The following FRMD3 variants were observed in gnomAD, a reference collection of about 807,000 sequenced individuals.
FRMD3 encodes the protein FERM domain-containing protein 3.
Under a neutral mutation model 70.2 loss-of-function variants are expected in FRMD3, and 33 were observed. That is an observed-to-expected ratio of 0.47 (90% CI 0.36 to 0.63). The LOEUF (loss-of-function observed/expected upper bound fraction) is 0.63. Ranked by LOEUF, FRMD3 falls within the 20% of genes least tolerant of loss-of-function variation. The pLI, the probability that FRMD3 is intolerant of heterozygous loss-of-function variation, is 0.00. For missense variants in FRMD3, 632 were observed against 711.4 expected, an observed-to-expected ratio of 0.89 and a Z score of 1.27; for synonymous variants, 279 against 255.9, an observed-to-expected ratio of 1.09 and a Z score of -0.86.
At chr9:83,497,635 G>C (rs1275225228) in intron 1 of FRMD3, among the ~76,000 whole-genome samples, 1 of 152,202 alleles carries the variant, frequency 6.6e-6, no homozygotes, top group Admixed American at 6.5e-5. Context: ...TGGGGTGTGA[G>C]CAGAAGGGAC....
intron 1 of FRMD3, among the ~76,000 whole-genome samples, chr9:83,450,404 T>G (rs1014115398): frequency 2.0e-5 from 3 of 147,780 alleles, no homozygotes; most frequent in African/African-American, 7.4e-5. Flanking sequence ...CATGTGCACA[T>G]TGTGCAGGTT....
At chr9:83,520,720 C>T (rs1484008374) in intron 1 of FRMD3, among the ~76,000 whole-genome samples, 1 of 152,112 alleles carries the variant, frequency 6.6e-6, no homozygotes, top group African/African-American at 2.4e-5. Context: ...CATAAGGAGG[C>T]TTTTCAATAC....
At chr9:83,398,955 C>T (rs12340422) in intron 1 of FRMD3, among the ~76,000 whole-genome samples, 17,386 of 152,110 alleles carry the variant, frequency 0.11, 1,244 homozygotes, top group African/African-American at 0.19. Context: ...ACACAAACAG[C>T]CACCTTACCC....
chr9:83,431,386 C>T (rs1284349109), intron 1 of FRMD3, among the ~76,000 whole-genome samples: 6 of 152,180 alleles, frequency 3.9e-5, no homozygotes, highest in Non-Finnish European at 8.8e-5. Context: ...TTGTTATGCC[C>T]TCCAAAATCA....
chr9:83,468,217 T>C (rs1393861791), intron 1 of FRMD3, among the ~76,000 whole-genome samples: 2 of 152,344 alleles, frequency 1.3e-5, no homozygotes, highest in East Asian at 1.9e-4. Flanking sequence ...AATTGAAAGA[T>C]AGATTCAAGG....
At chr9:83,398,470 G>A (rs1345863049) in intron 1 of FRMD3, among the ~76,000 whole-genome samples, 1 of 152,132 alleles carries the variant, frequency 6.6e-6, no homozygotes, top group East Asian at 1.9e-4. Context: ...GAAATTAAAA[G>A]TTTCTTTGAT....
At chr9:83,311,225 C>T (rs1041106643) in intron 8 of FRMD3, among the ~76,000 whole-genome samples, 7 of 151,538 alleles carry the variant, frequency 4.6e-5, no homozygotes, top group South Asian at 2.1e-4. Flanking sequence ...AGGCCAGTCC[C>T]GCACATGCCC....
At chr9:83,378,760 T>C (rs539699813) in intron 2 of FRMD3, among the ~76,000 whole-genome samples, 117 of 116,452 alleles carry the variant, frequency 1.0e-3, no homozygotes, top group African/African-American at 4.0e-3. Context: ...TAATATATAA[T>C]TTATATTATA....
chr9:83,287,093 C>T (rs910143457), intron 13 of FRMD3, among the ~76,000 whole-genome samples: 1 of 152,170 alleles, frequency 6.6e-6, no homozygotes, highest in Non-Finnish European at 1.5e-5. Context: ...TGCACTGCCT[C>T]CTCTCTAGTT....
chr9:83,581,653 G>A, the FRMD3 span, among the ~76,000 whole-genome samples: 2 of 152,102 alleles, frequency 1.3e-5, no homozygotes, highest in African/African-American at 4.8e-5. Flanking sequence ...ACAAAAATTT[G>A]TATACAAATG....
At chr9:83,544,771 C>A in the FRMD3 span, among the ~76,000 whole-genome samples, 2 of 152,160 alleles carry the variant, frequency 1.3e-5, no homozygotes, top group Non-Finnish European at 2.9e-5. Context: ...CTAACGTTAT[C>A]TATAACCAAG....
chr9:83,424,070 G>A (rs888481918), intron 1 of FRMD3, among the ~76,000 whole-genome samples: 3 of 152,170 alleles, frequency 2.0e-5, no homozygotes, highest in Admixed American at 2.0e-4. Flanking sequence ...TTATTAAAAT[G>A]TAGCTTCTTA....
At chr9:83,459,270 G>A (rs1392791717) in intron 1 of FRMD3, among the ~76,000 whole-genome samples, 1 of 150,952 alleles carries the variant, frequency 6.6e-6, no homozygotes, top group Admixed American at 6.6e-5. Flanking sequence ...TGGCCTTAAC[G>A]TCCCACCAAG....
Position 83,313,862 on chromosome 9 carries a change from A to C in FRMD3, c.597-115T>G, listed in dbSNP as rs550849804. 435 of 741,292 alleles carry C rather than the reference A, an allele frequency of 5.9e-4. No homozygotes were observed. In the African/African-American group the frequency reaches 6.7e-3, roughly 11 times the overall value. The allele number at this position is 741,292 out of a possible 1,614,324, so 45.9% of individuals were successfully genotyped here. On this transcript the variant is annotated intron_variant, in intron 6 of 13. Coordinates refer to ENST00000304195, the MANE Select transcript of FRMD3 (RefSeq NM_174938.6). ...GCTAAATAAAGAGAAAAACCCTTAC[A>C]TAAATAGTAATCAGTAAGACTGATC...
At chr9:83,560,017 A>G in the FRMD3 span, among the ~76,000 whole-genome samples, 5 of 152,178 alleles carry the variant, frequency 3.3e-5, no homozygotes, top group African/African-American at 1.2e-4. Flanking sequence ...TGCTTTACAC[A>G]TTCTATAAAT....
At chr9:83,479,794 GGAA>G (rs1828524272) in intron 1 of FRMD3, among the ~76,000 whole-genome samples, 2 of 58,696 alleles carry the variant, frequency 3.4e-5, no homozygotes, top group African/African-American at 1.9e-4. Flanking sequence ...AGGGAAGGAA[GGAA>G]GGAAGGAAGG....
At chr9:83,494,721 T>G (rs538343124) in intron 1 of FRMD3, among the ~76,000 whole-genome samples, 2 of 152,094 alleles carry the variant, frequency 1.3e-5, no homozygotes, top group Admixed American at 6.5e-5. Flanking sequence ...CTGGGCAACA[T>G]AGTGAGACCC....
intron 3 of FRMD3, among the ~76,000 whole-genome samples, chr9:83,355,727 T>C (rs1587763703): frequency 6.6e-6 from 1 of 151,872 alleles, no homozygotes; most frequent in Admixed American, 6.6e-5. Context: ...AGAAGGAAAA[T>C]GGGAGGTGGA....
chr9:83,525,942 C>T (rs1373350133), intron 1 of FRMD3, among the ~76,000 whole-genome samples: 3 of 152,202 alleles, frequency 2.0e-5, no homozygotes, highest in Non-Finnish European at 4.4e-5. Flanking sequence ...ATTCATACCA[C>T]ATGGTTTCTG....
Sources: allele counts gnomAD v4.1 joint callset (sites outside exome capture counted in the v4.1 genomes callset), GRCh38; gene constraint gnomAD v4.1.1; transcripts MANE v1.5; gene names NCBI Gene and HGNC (gene_info 2026-07-23, HGNC 2026-07-21).